CEP57L1: variants seen among roughly 807,000 people sequenced by gnomAD.
CEP57L1 encodes centrosomal protein 57 like 1.
In CEP57L1, 37 loss-of-function variants were observed where a neutral mutation model predicts 61.0. That is an observed-to-expected ratio of 0.61 (90% CI 0.47 to 0.80). The LOEUF (loss-of-function observed/expected upper bound fraction) is 0.80, where lower values mean the gene tolerates loss of function less well. CEP57L1 is among the 30% of genes least tolerant of loss of function. The probability of loss-of-function intolerance (pLI) is 0.00; values close to 1 mark genes in which losing one functional copy is unlikely to be tolerated. For synonymous variants in CEP57L1, 137 were observed against 162.3 expected (o/e 0.84, Z 1.19); for missense variants, 422 against 524.7 (o/e 0.80, Z 1.91).
Position 109,159,100 on chromosome 6 carries a change from A to G in CEP57L1, c.820A>G (p.Lys274Glu). The change falls in exon 8 of 11, where the codon AAG becomes GAG. Residue 274 changes from lysine (K) to glutamate (E), a missense_variant and splice_region_variant. Physicochemically the swap from Lys to Glu is moderately conservative, Grantham distance 56. Coordinates refer to ENST00000517392, the MANE Select transcript of CEP57L1 (RefSeq NM_001271852.3). ...TGGAGCACTGCCTTTTGTGGCTGAAAAGGTGAGAGGGGATAAAATGAAGAT... is the reference window on the plus strand; with the variant it reads ...TGGAGCACTGCCTTTTGTGGCTGAAGAGGTGAGAGGGGATAAAATGAAGAT... Reference protein sequence around the residue: ...KFGALPFVAEKMRQHRDPHIL... With the variant: ...KFGALPFVAEEMRQHRDPHIL... 3 of 1,614,062 alleles carry G rather than the reference A, an allele frequency of 1.9e-6. No individual in the cohort carries two copies. The highest frequency in any genetic ancestry group is 2.5e-6 in the Non-Finnish European group (3 of 1,179,960).
At chr6:109,143,829 AAGTC>A (rs945024465) in intron 1 of CEP57L1, among the ~76,000 whole-genome samples, 4 of 152,158 alleles carry the variant, frequency 2.6e-5, no homozygotes, top group African/African-American at 9.7e-5. Flanking sequence ...GCTGAAAACT[AAGTC>A]AGATTTCTTG....
chr6:109,137,646 TC>T, intron 1 of CEP57L1, among the ~76,000 whole-genome samples: 1 of 152,236 alleles, frequency 6.6e-6, no homozygotes, highest in African/African-American at 2.4e-5. Flanking sequence ...TATATGATTG[TC>T]ATGTAATGAG....
intron 1 of CEP57L1, among the ~76,000 whole-genome samples, chr6:109,128,808 G>C (rs1225246645): frequency 3.3e-5 from 5 of 152,074 alleles, no homozygotes; most frequent in African/African-American, 1.2e-4. Context: ...TCGTGTTCCT[G>C]CTAAACCTCT....
intron 4 of CEP57L1, among the ~76,000 whole-genome samples, chr6:109,152,198 G>A (rs1368435792): frequency 6.6e-6 from 1 of 151,086 alleles, no homozygotes; most frequent in East Asian, 1.9e-4. Flanking sequence ...ATTTTTTTTG[G>A]AGTCAGAGTT....
At position 109,162,647 on chromosome 6, in the gene CEP57L1, A is replaced by G. The variant is rs115660308; in HGVS notation, c.1162-102A>G. 2,017 of 758,068 alleles carry G rather than the reference A, an allele frequency of 2.7e-3. 32 individuals carry two copies. In the African/African-American group the frequency reaches 0.032, roughly 12 times the overall value. The allele number at this position is 758,068 out of a possible 1,614,324, so 47.0% of individuals were successfully genotyped here. A position where few individuals can be genotyped will look rare whatever the true frequency, so the allele number is the denominator to read the frequency against. On this transcript the variant is annotated intron_variant, in intron 10 of 10. Coordinates refer to ENST00000517392, the MANE Select transcript of CEP57L1 (RefSeq NM_001271852.3). ...AATGAATTGAATTTTTTAATGTTCA[A>G]TTTTAACTTTTTAACGTTAAACCAT...
intron 2 of CEP57L1, among the ~76,000 whole-genome samples, chr6:109,145,605 C>T (rs950062698): frequency 5.9e-5 from 9 of 151,908 alleles, no homozygotes; most frequent in Admixed American, 3.9e-4. Flanking sequence ...ACACATATCA[C>T]AGAGTTATCA....
At chr6:109,136,883 GT>G (rs1748582486) in intron 1 of CEP57L1, among the ~76,000 whole-genome samples, 1 of 152,092 alleles carries the variant, frequency 6.6e-6, no homozygotes, top group Admixed American at 6.5e-5. Context: ...AGCTTCCTGA[GT>G]AGCTGGGATT....
intron 1 of CEP57L1, among the ~76,000 whole-genome samples, chr6:109,139,619 G>T (rs1239002922): frequency 6.6e-6 from 1 of 151,896 alleles, no homozygotes; most frequent in Non-Finnish European, 1.5e-5. Context: ...CCAAGTAGCT[G>T]GGACTACAGG....
chr6:109,119,125 C>G (rs866914352), intron 1 of CEP57L1, among the ~76,000 whole-genome samples: 1 of 152,152 alleles, frequency 6.6e-6, no homozygotes, highest in Middle Eastern at 3.4e-3. Flanking sequence ...ACATTAGAAA[C>G]GTGTTCACTC....
At chr6:109,098,152 C>G (rs1453068580) in intron 1 of CEP57L1, among the ~76,000 whole-genome samples, 1 of 152,192 alleles carries the variant, frequency 6.6e-6, no homozygotes, top group Non-Finnish European at 1.5e-5. Context: ...CTCTCTCTCT[C>G]TCTCCCTCTG....
At chr6:109,112,722 A>G (rs1233588884) in intron 1 of CEP57L1, among the ~76,000 whole-genome samples, 1 of 151,980 alleles carries the variant, frequency 6.6e-6, no homozygotes, top group Non-Finnish European at 1.5e-5. Context: ...CTTTGTTCTC[A>G]TTGGTTTCAA....
At chr6:109,114,214 C>A (rs535817629) in intron 1 of CEP57L1, among the ~76,000 whole-genome samples, 1 of 152,230 alleles carries the variant, frequency 6.6e-6, no homozygotes, top group African/African-American at 2.4e-5. Flanking sequence ...TCCTTGCCAA[C>A]ATTTGTTGTC....
chr6:109,098,358 G>T (rs142979603), intron 1 of CEP57L1, among the ~76,000 whole-genome samples: 1 of 152,284 alleles, frequency 6.6e-6, no homozygotes, highest in Non-Finnish European at 1.5e-5. Flanking sequence ...TGTTGGTCAG[G>T]CTGGTCTTGA....
At chr6:109,147,634 G>A (rs1772112773) in intron 3 of CEP57L1, among the ~76,000 whole-genome samples, 1 of 152,172 alleles carries the variant, frequency 6.6e-6, no homozygotes, top group Admixed American at 6.6e-5. Context: ...AGAAGAAAGG[G>A]GTGAGGAAAG....
intron 1 of CEP57L1, among the ~76,000 whole-genome samples, chr6:109,112,014 G>C (rs1032413693): frequency 1.3e-5 from 2 of 152,170 alleles, no homozygotes; most frequent in African/African-American, 4.8e-5. Context: ...GCCAGGTTTT[G>C]GTATCAGGAT....
At chr6:109,134,352 A>G (rs1774561520) in intron 1 of CEP57L1, among the ~76,000 whole-genome samples, 1 of 152,224 alleles carries the variant, frequency 6.6e-6, no homozygotes, top group Non-Finnish European at 1.5e-5. Context: ...GCCTTTGACA[A>G]AATTCAACAG....
chr6:109,116,613 A>G (rs1235916185), intron 1 of CEP57L1, among the ~76,000 whole-genome samples: 1 of 152,214 alleles, frequency 6.6e-6, no homozygotes, highest in African/African-American at 2.4e-5. Context: ...GAGGTTATCC[A>G]AGAGAAACTT....
At position 109,164,603 on chromosome 6, in the gene CEP57L1, A is replaced by G. The variant is rs1238716422; in HGVS notation, c.*1633A>G. 6.6e-6 allele frequency among the ~76,000 whole-genome samples: 1 copy of G among 152,034 alleles called. No individual in the cohort carries two copies. Among genetic ancestry groups the G allele is most frequent in the Non-Finnish European group, 1.5e-5 (1 of 68,016 alleles). The stretch of plus-strand genomic sequence containing the variant: ...TTTGCCTTTCCTCCTTGAGGATATG[A>G]GTTTTATAGCTTAAGCTTAGCTTTT... On this transcript the variant is annotated 3_prime_UTR_variant, in exon 11 of 11. Coordinates refer to ENST00000517392, the MANE Select transcript of CEP57L1 (RefSeq NM_001271852.3).
chr6:109,156,333 T>TA (rs1049123595), intron 7 of CEP57L1: 2 of 151,884 alleles, frequency 1.3e-5, no homozygotes, highest in Non-Finnish European at 2.9e-5. Flanking sequence ...ATATAGACAA[T>TA]AAAAAATAAG....
Sources: allele counts gnomAD v4.1 joint callset (sites outside exome capture counted in the v4.1 genomes callset), GRCh38; gene constraint gnomAD v4.1.1; transcripts MANE v1.5; gene names NCBI Gene and HGNC (gene_info 2026-07-23, HGNC 2026-07-21).